The following DNAJC13 variants were observed in gnomAD, a reference collection of about 807,000 sequenced individuals.
DNAJC13 encodes the protein DnaJ heat shock protein family (Hsp40) member C13, also known as dnaJ homolog subfamily C member 13.
DNAJC13 carries 75 observed loss-of-function variants against 290.5 expected under a neutral mutation model. That is an observed-to-expected ratio of 0.26 (90% CI 0.21 to 0.31). The LOEUF is 0.31. DNAJC13 is among the 10% of genes least tolerant of loss of function. The pLI, the probability that DNAJC13 is intolerant of heterozygous loss-of-function variation, is 1.00. For missense variants in DNAJC13, 2,260 were observed against 2,674.5 expected (o/e 0.85, Z 3.42); for synonymous variants, 862 against 892.0 (o/e 0.97, Z 0.60).
At chr3:132,426,272 C>T (rs17185135) in intron 1 of DNAJC13, among the ~76,000 whole-genome samples, 15,818 of 152,110 alleles carry the variant, frequency 0.1, 1,022 homozygotes, top group South Asian at 0.17. Flanking sequence ...ACAAGTGAAG[C>T]TGACTCGCAA....
At chr3:132,481,880 A>G (rs997775753) in intron 26 of DNAJC13, among the ~76,000 whole-genome samples, 4 of 152,234 alleles carry the variant, frequency 2.6e-5, no homozygotes, top group Non-Finnish European at 2.9e-5. Flanking sequence ...ATCTATTTAC[A>G]TAACTATTTG....
In DNAJC13 at chr3:132,474,947, T is replaced by C. The variant is rs1169302863; in HGVS notation, c.2307T>C (p.His769=). Residue 769 remains histidine (H), a synonymous_variant, in exon 22 of 56, where the codon CAT becomes CAC. Transcript: ENST00000260818. ...GTATGTCTAGGTTTGGTCAAGACCA[T>C]GCCAGGTCAAACCTTATTTGGAATT... is the stretch of plus-strand genomic sequence containing the variant. ...DLFYYRFGQD[H]ARSNLIWNFK... is the part of the protein sequence containing the mutation. 1 of 1,598,752 alleles carries C rather than the reference T, an allele frequency of 6.3e-7. No homozygotes were observed. The highest frequency in any genetic ancestry group is 8.5e-7 in the Non-Finnish European group (1 of 1,171,700).
At chr3:132,514,917 T>TA in intron 46 of DNAJC13, 1 of 200,910 alleles carries the variant, frequency 5.0e-6, no homozygotes, top group Non-Finnish European at 9.0e-6. Flanking sequence ...GATTTTCAGT[T>TA]TGTTGAGATC....
At chr3:132,422,395 T>C (rs1356831548) in intron 1 of DNAJC13, among the ~76,000 whole-genome samples, 2 of 152,172 alleles carry the variant, frequency 1.3e-5, no homozygotes, top group Non-Finnish European at 2.9e-5. Flanking sequence ...GACTGTAATG[T>C]ATGTTGAATA....
intron 28 of DNAJC13, 121 bp from the exon 29 acceptor site, chr3:132,484,467 C>T (rs1409619826): frequency 2.5e-6 from 2 of 811,588 alleles, no homozygotes; most frequent in East Asian, 5.2e-5. Flanking sequence ...TGTATGAGAG[C>T]TTAGTCTTCA....
intron 48 of DNAJC13, among the ~76,000 whole-genome samples, chr3:132,520,526 T>C (rs1361160139): frequency 6.6e-6 from 1 of 152,256 alleles, no homozygotes; most frequent in Non-Finnish European, 1.5e-5. Context: ...TTACAGATGA[T>C]AGACTTGGGT....
chr3:132,456,148 C>A, intron 9 of DNAJC13, 87 bp from the exon 10 acceptor site: 1 of 1,236,620 alleles, frequency 8.1e-7, no homozygotes, highest in Non-Finnish European at 1.1e-6. Flanking sequence ...AGCAGATTAC[C>A]TGCTAAAGGG....
intron 43 of DNAJC13, among the ~76,000 whole-genome samples, chr3:132,508,777 T>A (rs1935675792): frequency 6.6e-6 from 1 of 152,204 alleles, no homozygotes; most frequent in Non-Finnish European, 1.5e-5. Flanking sequence ...AAATTATTTT[T>A]AAAAAATTAT....
intron 38 of DNAJC13, 108 bp downstream of exon 38, chr3:132,499,916 C>G (rs1935358366): frequency 1.0e-6 from 1 of 954,202 alleles, no homozygotes; most frequent in Non-Finnish European, 1.6e-6. Context: ...GGTTGCTGAG[C>G]TCCACCCCAC....
intron 9 of DNAJC13, among the ~76,000 whole-genome samples, chr3:132,455,096 G>C (rs945845912): frequency 1.3e-5 from 2 of 151,882 alleles, no homozygotes; most frequent in African/African-American, 2.4e-5. Context: ...AGATCGCAGG[G>C]AGAAAATCTT....
chr3:132,524,274 T>A lies in DNAJC13; in HGVS notation c.6060+561T>A, dbSNP rs533823325. Among the ~76,000 whole-genome samples, 41 of 152,346 alleles carry A rather than the reference T, an allele frequency of 2.7e-4. No homozygotes were observed. The East Asian group carries it at 3.9e-3, about 14-fold the overall frequency. Reference sequence around the variant, plus strand: ...ATAAGATTTTGTTTTTCAAAGTCTTTTTTGTTTTCAGAAGGTTTAAGATTT... The same window carrying A: ...ATAAGATTTTGTTTTTCAAAGTCTTATTTGTTTTCAGAAGGTTTAAGATTT... On this transcript the variant is annotated intron_variant, in intron 51 of 55. Coordinates refer to ENST00000260818, the MANE Select transcript of DNAJC13 (RefSeq NM_015268.4).
intron 2 of DNAJC13, among the ~76,000 whole-genome samples, chr3:132,435,239 T>C (rs1324775932): frequency 6.6e-6 from 1 of 152,214 alleles, no homozygotes; most frequent in Non-Finnish European, 1.5e-5. Flanking sequence ...TTTAAAATTA[T>C]GCCTCAAATA....
In DNAJC13 at chr3:132,503,253, C is replaced by G. The variant is rs374841294; in HGVS notation, c.4756C>G (p.Leu1586Val). ...CCTTGCCAAACTGAGTGTCCATGCT[C>G]TGAGTCGCCTTGGAGGGTATTTGGC... ...NSLAKLSVHALSRLGGYLAEE... is the reference protein window; with the variant it reads ...NSLAKLSVHAVSRLGGYLAEE... The change falls in exon 41 of 56, where the codon CTG (leucine) becomes GTG (valine). Residue 1586 changes from leucine to valine, a missense_variant. Leu to Val is a conservative substitution (Grantham distance 32, BLOSUM62 1). Transcript: ENST00000260818. The G allele has an allele frequency of 1.2e-6, 2 of 1,614,114 alleles. No homozygotes were observed.
chr3:132,534,391 C>G (rs1053898251), intron 55 of DNAJC13, among the ~76,000 whole-genome samples: 37 of 152,158 alleles, frequency 2.4e-4, no homozygotes, highest in African/African-American at 8.2e-4. Context: ...TGCAATGGCT[C>G]ATGTCTGTAA....
chr3:132,470,613 G>A (rs1934177763), intron 20 of DNAJC13, among the ~76,000 whole-genome samples: 2 of 143,224 alleles, frequency 1.4e-5, no homozygotes, highest in African/African-American at 2.6e-5. Flanking sequence ...GCCGGGCGGG[G>A]GGGCTGACCC....
At chr3:132,437,740 A>C (rs1374796508) in intron 2 of DNAJC13, among the ~76,000 whole-genome samples, 1 of 152,138 alleles carries the variant, frequency 6.6e-6, no homozygotes, top group African/African-American at 2.4e-5. Flanking sequence ...GAAACTTAGA[A>C]ATACGAGTCT....
intron 20 of DNAJC13, chr3:132,472,694 C>T: frequency 1.2e-5 from 8 of 689,534 alleles, no homozygotes; most frequent in Non-Finnish European, 1.4e-5. Flanking sequence ...AATGTAGACA[C>T]ATTTCTTCTC....
chr3:132,503,870 C>G (rs1935500416), intron 41 of DNAJC13, among the ~76,000 whole-genome samples: 1 of 152,028 alleles, frequency 6.6e-6, no homozygotes, highest in South Asian at 2.1e-4. Context: ...CTCCCAACCT[C>G]TTTAACTTCT....
chr3:132,501,572 A>C (rs891573036), intron 39 of DNAJC13, among the ~76,000 whole-genome samples: 2 of 151,810 alleles, frequency 1.3e-5, no homozygotes, highest in Non-Finnish European at 2.9e-5. Flanking sequence ...TCTGTCTCAA[A>C]AAAAAAAAAG....
Sources: gnomAD v4.1 joint callset for allele counts (sites outside exome capture counted in the v4.1 genomes callset) on GRCh38, gnomAD v4.1.1 for gene constraint, MANE v1.5 for transcripts, NCBI Gene and HGNC (gene_info 2026-07-23, HGNC 2026-07-21) for gene names.